Variants in SHISA9 observed in about 807,000 individuals in gnomAD.
SHISA9 encodes shisa family member 9, also known as protein shisa-9.
A neutral mutation model predicts 38.0 loss-of-function variants in SHISA9; 13 were observed. That is an observed-to-expected ratio of 0.34 (90% CI 0.22 to 0.54). SHISA9 has a LOEUF of 0.54. SHISA9 is among the 20% of genes least tolerant of loss of function. SHISA9 has a pLI of 0.91. For missense variants in SHISA9, 538 were observed against 575.8 expected (o/e 0.93, Z 0.67); for synonymous variants, 275 against 242.0 (o/e 1.14, Z -1.27).
At chr16:13,302,127 A>G in the SHISA9 span, among the ~76,000 whole-genome samples, 1 of 151,952 alleles carries the variant, frequency 6.6e-6, no homozygotes, top group Non-Finnish European at 1.5e-5. Context: ...TAGGACATAG[A>G]TCCTTGTTTC....
chr16:13,359,551 A>C, the SHISA9 span, among the ~76,000 whole-genome samples: 4 of 152,222 alleles, frequency 2.6e-5, no homozygotes, highest in Admixed American at 2.6e-4. Flanking sequence ...AACTGGCAGC[A>C]TGGTAGGTGG....
the SHISA9 span, among the ~76,000 whole-genome samples, chr16:13,380,788 A>C: frequency 6.6e-6 from 1 of 151,984 alleles, no homozygotes; most frequent in Non-Finnish European, 1.5e-5. Context: ...CTTCACTTTC[A>C]TTAGGTATTT....
chr16:12,924,238 G>A (rs1170889961), intron 2 of SHISA9, among the ~76,000 whole-genome samples: 5 of 152,070 alleles, frequency 3.3e-5, no homozygotes, highest in East Asian at 3.8e-4. Context: ...CGAGGTAGAC[G>A]GCTGTTTGAA....
the SHISA9 span, among the ~76,000 whole-genome samples, chr16:13,455,127 C>T: frequency 6.6e-6 from 1 of 152,110 alleles, no homozygotes; most frequent in Admixed American, 6.6e-5. Flanking sequence ...TACCTTTATA[C>T]ACTATGTATC....
downstream of SHISA9, among the ~76,000 whole-genome samples, chr16:13,241,826 A>G (rs2051437626): frequency 1.3e-5 from 2 of 152,304 alleles, no homozygotes; most frequent in Admixed American, 6.5e-5. Context: ...TTTGGGGCAC[A>G]GTTCTGGTTA....
the SHISA9 span, among the ~76,000 whole-genome samples, chr16:13,444,824 C>T: frequency 6.6e-6 from 1 of 150,840 alleles, no homozygotes; most frequent in Non-Finnish European, 1.5e-5. Context: ...CCCTTCCCTT[C>T]CCTTCCCTCC....
chr16:13,217,739 A>G (rs1264474739), intron 4 of SHISA9, among the ~76,000 whole-genome samples: 3 of 152,104 alleles, frequency 2.0e-5, no homozygotes, highest in Non-Finnish European at 4.4e-5. Context: ...AAGGAAATAC[A>G]CTTCACTAGG....
chr16:13,504,947 G>A, the SHISA9 span, among the ~76,000 whole-genome samples: 3 of 152,124 alleles, frequency 2.0e-5, no homozygotes, highest in African/African-American at 7.2e-5. Flanking sequence ...CCCTATCTTT[G>A]TAGATAACAG....
intron 2 of SHISA9, among the ~76,000 whole-genome samples, chr16:12,936,199 A>T (rs764360577): frequency 6.6e-6 from 1 of 152,226 alleles, no homozygotes; most frequent in Non-Finnish European, 1.5e-5. Flanking sequence ...GAAGCTCTCC[A>T]GCAATCTCAA....
chr16:13,373,166 C>A, the SHISA9 span, among the ~76,000 whole-genome samples: 1 of 152,142 alleles, frequency 6.6e-6, no homozygotes, highest in African/African-American at 2.4e-5. Flanking sequence ...TGACTCCAAG[C>A]AAAATGCCTT....
chr16:13,356,639 G>C, the SHISA9 span, among the ~76,000 whole-genome samples: 1 of 151,996 alleles, frequency 6.6e-6, no homozygotes, highest in African/African-American at 2.4e-5. Context: ...AGGAAGGGAG[G>C]GGTCAGATGG....
At chr16:12,974,767 A>T (rs572535698) in intron 2 of SHISA9, among the ~76,000 whole-genome samples, 26 of 152,194 alleles carry the variant, frequency 1.7e-4, no homozygotes, top group African/African-American at 5.5e-4. Flanking sequence ...TTCTAAGTCT[A>T]TGTGAAATTG....
chr16:12,994,020 G>C lies in SHISA9; in HGVS notation c.691+77205G>C, dbSNP rs191749037. On this transcript the variant is annotated intron_variant, in intron 2 of 4. Transcript: ENST00000558583. ...GTCAGAGACCCTATGGAGGTTTATA[G>C]ACACCTGGCTAAAAACCCCAGAGCT... Among the ~76,000 whole-genome samples, 302 of 152,292 alleles carry C rather than the reference G, an allele frequency of 2.0e-3. 1 individual carries two copies. The highest frequency in any genetic ancestry group is 6.8e-3 in the African/African-American group (283 of 41,578).
intron 2 of SHISA9, among the ~76,000 whole-genome samples, chr16:13,065,037 G>T (rs950255723): frequency 3.9e-5 from 6 of 152,136 alleles, no homozygotes; most frequent in Admixed American, 6.5e-5. Flanking sequence ...AGGATGGTGG[G>T]AAGTAACCAT....
chr16:13,314,011 G>A, the SHISA9 span, among the ~76,000 whole-genome samples: 4 of 151,998 alleles, frequency 2.6e-5, no homozygotes, highest in East Asian at 7.8e-4. Context: ...AGAGGTCGTG[G>A]GATTTTGCTT....
chr16:13,555,219 T>C, the SHISA9 span, among the ~76,000 whole-genome samples: 1 of 152,216 alleles, frequency 6.6e-6, no homozygotes, highest in Admixed American at 6.5e-5. Context: ...TTGGTTATCA[T>C]AAGCACTTTA....
chr16:13,266,170 C>T, the SHISA9 span, among the ~76,000 whole-genome samples: 5 of 152,310 alleles, frequency 3.3e-5, no homozygotes, highest in South Asian at 1.0e-3. Context: ...TCTCCTTTGC[C>T]AATGTCCCCG....
chr16:13,006,272 C>CACCT (rs1242425049), intron 2 of SHISA9, among the ~76,000 whole-genome samples: 1 of 152,224 alleles, frequency 6.6e-6, no homozygotes, highest in Non-Finnish European at 1.5e-5. Context: ...TTTCTCTAAG[C>CACCT]ACCTGTTCCT....
At chr16:13,088,165 T>C (rs1313018601) in intron 2 of SHISA9, among the ~76,000 whole-genome samples, 8 of 152,254 alleles carry the variant, frequency 5.3e-5, no homozygotes, top group African/African-American at 1.9e-4. Context: ...GCCTCTGTTC[T>C]GTTCCATTGG....
Sources: gnomAD v4.1 joint callset for allele counts (sites outside exome capture counted in the v4.1 genomes callset) on GRCh38, gnomAD v4.1.1 for gene constraint, MANE v1.5 for transcripts, NCBI Gene and HGNC (gene_info 2026-07-23, HGNC 2026-07-21) for gene names.